Variants in CACNA2D2 observed in about 807,000 individuals in gnomAD.
The protein encoded by CACNA2D2 is calcium voltage-gated channel auxiliary subunit alpha2delta 2, also known as voltage-dependent calcium channel subunit alpha-2/delta-2.
CACNA2D2 carries 48 observed loss-of-function variants against 166.4 expected under a neutral mutation model. The ratio of observed to expected loss-of-function variants is 0.29; its 90% CI spans 0.23 to 0.37. CACNA2D2 has a LOEUF of 0.37. Ranked by LOEUF, CACNA2D2 falls within the 10% of genes least tolerant of loss-of-function variation. CACNA2D2 has a pLI of 1.00. For missense variants in CACNA2D2, 1,122 were observed against 1,433.0 expected (o/e 0.78, Z 3.50); for synonymous variants, 561 against 573.7 (o/e 0.98, Z 0.32).
intron 2 of CACNA2D2, among the ~76,000 whole-genome samples, chr3:50,450,810 C>T (rs1259456776): frequency 1.3e-5 from 2 of 152,120 alleles, no homozygotes; most frequent in East Asian, 3.9e-4. Flanking sequence ...GCAAGACGCC[C>T]GCCGACGTCA....
At chr3:50,434,713 C>T (rs1262518706) in intron 2 of CACNA2D2, among the ~76,000 whole-genome samples, 1 of 152,182 alleles carries the variant, frequency 6.6e-6, no homozygotes, top group Non-Finnish European at 1.5e-5. Flanking sequence ...GGCCTCAGGG[C>T]CCCCCATTTC....
chr3:50,483,257 C>A (rs1193104616), intron 1 of CACNA2D2, among the ~76,000 whole-genome samples: 1 of 152,138 alleles, frequency 6.6e-6, no homozygotes, highest in Non-Finnish European at 1.5e-5. Flanking sequence ...CCCATCTCAC[C>A]CACTCATTGC....
In CACNA2D2 at chr3:50,367,278, C is replaced by T; in HGVS notation, c.2401+116G>A. ...ATCCCTCTTTTCACGTCTGCCCTGG[C>T]CTCAGCCAGCCTTGTGTTGGAGAGG... is the stretch of plus-strand genomic sequence containing the variant. On this transcript the variant is annotated intron_variant, in intron 27 of 37. Coordinates refer to ENST00000424201, the MANE Select transcript of CACNA2D2 (RefSeq NM_006030.4). This position sits in a 1 kb window ranked among gnomAD's most constrained non-coding sequence, Gnocchi z 6.5. 4.6e-6 allele frequency: 5 copies of T among 1,086,458 alleles called. No homozygotes were observed. Among genetic ancestry groups the T allele is most frequent in the Non-Finnish European group, 5.5e-6 (4 of 722,084 alleles). The allele number at this position is 1,086,458 out of a possible 1,614,324, so 67.3% of individuals were successfully genotyped here.
chr3:50,425,994 G>C (rs1224902623), intron 3 of CACNA2D2, among the ~76,000 whole-genome samples: 1 of 152,114 alleles, frequency 6.6e-6, no homozygotes, highest in East Asian at 1.9e-4. Context: ...CCTGCCTCTA[G>C]GCCCTTGCTC....
intron 17 of CACNA2D2, 132 bp downstream of exon 17, chr3:50,377,335 G>A (rs1705044649): frequency 2.8e-6 from 2 of 707,828 alleles, no homozygotes; most frequent in African/African-American, 3.6e-5. Context: ...GTCACCTCCT[G>A]GGGAAGCCTT....
intron 3 of CACNA2D2, among the ~76,000 whole-genome samples, chr3:50,420,823 C>G (rs577199829): frequency 6.6e-6 from 1 of 152,350 alleles, no homozygotes; most frequent in South Asian, 2.1e-4. Context: ...CCCCCTCACC[C>G]CTTCCTCCTT....
At chr3:50,454,715 G>T (rs768082579) in intron 2 of CACNA2D2, among the ~76,000 whole-genome samples, 90 of 151,536 alleles carry the variant, frequency 5.9e-4, no homozygotes, top group Middle Eastern at 3.4e-3. Context: ...TTTTTTTTTT[G>T]ATTGGAAAAG....
chr3:50,476,757 C>T (rs530670872), intron 1 of CACNA2D2, among the ~76,000 whole-genome samples: 53 of 152,220 alleles, frequency 3.5e-4, no homozygotes, highest in African/African-American at 1.3e-3. Context: ...CTTGCCTATC[C>T]AACACCCTGG....
chr3:50,420,977 G>A (rs1391187927), intron 3 of CACNA2D2, among the ~76,000 whole-genome samples: 1 of 152,198 alleles, frequency 6.6e-6, no homozygotes, highest in African/African-American at 2.4e-5. Flanking sequence ...TCCTGGGGCA[G>A]GGCTCAGTCA....
intron 3 of CACNA2D2, among the ~76,000 whole-genome samples, chr3:50,397,416 C>T (rs756628862): frequency 6.6e-6 from 1 of 152,028 alleles, no homozygotes; most frequent in Admixed American, 6.6e-5. Context: ...GGGCAGGCTT[C>T]GGCCACAAGG....
At chr3:50,487,669 T>G (rs1698347440) in intron 1 of CACNA2D2, among the ~76,000 whole-genome samples, 1 of 152,146 alleles carries the variant, frequency 6.6e-6, no homozygotes, top group African/African-American at 2.4e-5. Flanking sequence ...CAGCCCCAGC[T>G]ACCCCACCTT....
Position 50,362,949 on chromosome 3 carries a change from G to T in CACNA2D2, c.*1717C>A. 2.5e-6 allele frequency: 1 copy of T among 396,932 alleles called. No homozygotes were observed. Among genetic ancestry groups the T allele is most frequent in the Non-Finnish European group, 4.4e-6 (1 of 225,520 alleles). 24.6% of individuals were successfully genotyped at this position (396,932 alleles called of 1,614,324 possible). The stretch of plus-strand genomic sequence containing the variant: ...TTTTCCAACTTGTCTGTACAAAATA[G>T]AACAACAAAAAAAGGGCAGAGAAAA... On this transcript the variant is annotated 3_prime_UTR_variant, in exon 38 of 38. Transcript: ENST00000424201.
chr3:50,440,213 C>A (rs570025664), intron 2 of CACNA2D2, among the ~76,000 whole-genome samples: 1 of 152,344 alleles, frequency 6.6e-6, no homozygotes, highest in East Asian at 1.9e-4. Context: ...GTGTGACTGG[C>A]AGCTCCCCAG....
intron 3 of CACNA2D2, among the ~76,000 whole-genome samples, chr3:50,410,451 G>A (rs1465436077): frequency 2.0e-5 from 3 of 150,644 alleles, no homozygotes; most frequent in African/African-American, 4.9e-5. Flanking sequence ...TCCCTTCCCC[G>A]AACCCACAGA....
At chr3:50,383,227 G>C (rs587658971) in intron 6 of CACNA2D2, among the ~76,000 whole-genome samples, 6 of 152,274 alleles carry the variant, frequency 3.9e-5, no homozygotes, top group Non-Finnish European at 5.9e-5. Flanking sequence ...TGGGGAGCAG[G>C]GGGGAGCATC....
chr3:50,489,371 C>G (rs866478234), intron 1 of CACNA2D2, among the ~76,000 whole-genome samples: 2 of 152,226 alleles, frequency 1.3e-5, no homozygotes, highest in Admixed American at 6.5e-5. Flanking sequence ...TACTTCCCCC[C>G]GCGCTGGCTC....
chr3:50,466,862 C>T (rs905549331), intron 2 of CACNA2D2, among the ~76,000 whole-genome samples: 3 of 152,248 alleles, frequency 2.0e-5, no homozygotes, highest in African/African-American at 4.8e-5. Context: ...CTGACAACCC[C>T]CATCTTCTGT....
Position 50,380,844 on chromosome 3 carries a change from G to C in CACNA2D2, c.785-39C>G. The C allele has an allele frequency of 6.5e-7, 1 of 1,535,300 alleles. No individual in the cohort carries two copies. The highest frequency in any genetic ancestry group is 8.8e-7 in the Non-Finnish European group (1 of 1,139,880). Reference sequence around the variant, plus strand: ...GAAGGTGAGGGGGACTGGCAGGAAAGGGCTGGCCTGGGTAGGCAGACCTTG... The same window carrying C: ...GAAGGTGAGGGGGACTGGCAGGAAACGGCTGGCCTGGGTAGGCAGACCTTG... On this transcript the variant is annotated intron_variant, in intron 7 of 37. Coordinates refer to ENST00000424201, the MANE Select transcript of CACNA2D2 (RefSeq NM_006030.4). This position sits in a 1 kb window ranked among gnomAD's most constrained non-coding sequence, Gnocchi z 4.9.
intron 22 of CACNA2D2, 46 bp downstream of exon 22, chr3:50,374,691 G>C (rs753572426): frequency 1.9e-6 from 3 of 1,558,304 alleles, no homozygotes; most frequent in East Asian, 4.8e-5. Context: ...CCAGGGTGCG[G>C]GGCAGAGGCA....
Sources: gnomAD v4.1 joint callset for allele counts (sites outside exome capture counted in the v4.1 genomes callset) on GRCh38, gnomAD v4.1.1 for gene constraint, Gnocchi (gnomAD v3.1) non-coding constraint, MANE v1.5 for transcripts, NCBI Gene and HGNC (gene_info 2026-07-23, HGNC 2026-07-21) for gene names.